PLEKHA7: variants seen among roughly 807,000 people sequenced by gnomAD.
PLEKHA7 encodes the protein pleckstrin homology domain containing A7.
A neutral mutation model predicts 170.0 loss-of-function variants in PLEKHA7; 104 were observed. The ratio of observed to expected loss-of-function variants is 0.61; its 90% CI spans 0.52 to 0.72. The LOEUF (loss-of-function observed/expected upper bound fraction) is 0.72. Ranked by LOEUF, PLEKHA7 falls within the 30% of genes least tolerant of loss-of-function variation. The probability of loss-of-function intolerance (pLI) is 0.00; values close to 1 mark genes in which losing one functional copy is unlikely to be tolerated. For synonymous variants in PLEKHA7, 648 were observed against 660.8 expected (o/e 0.98, Z 0.30); for missense variants, 1,615 against 1,671.7 (o/e 0.97, Z 0.59).
chr11:16,979,654 G>T (rs552906301), intron 3 of PLEKHA7, among the ~76,000 whole-genome samples: 21 of 151,694 alleles, frequency 1.4e-4, no homozygotes, highest in Non-Finnish European at 2.5e-4. Flanking sequence ...GTTTTCAATG[G>T]AGATATACTT....
intron 3 of PLEKHA7, among the ~76,000 whole-genome samples, chr11:16,871,982 T>G (rs1854894210): frequency 6.6e-6 from 1 of 151,688 alleles, no homozygotes. Flanking sequence ...CTTTTTTTTT[T>G]TTTTTTTTTT....
chr11:17,006,669 G>C (rs1355682660), intron 3 of PLEKHA7, among the ~76,000 whole-genome samples: 4 of 151,028 alleles, frequency 2.6e-5, no homozygotes, highest in African/African-American at 9.7e-5. Context: ...TGAATCAATA[G>C]GTTTGACATT....
chr11:16,802,576 C>T (rs116333888), intron 15 of PLEKHA7, among the ~76,000 whole-genome samples: 1,953 of 151,844 alleles, frequency 0.013, 41 homozygotes, highest in African/African-American at 0.045. Flanking sequence ...GAGACGAAGT[C>T]TTCCTCTGTT....
chr11:16,839,204 G>A (rs1299901157), intron 9 of PLEKHA7, among the ~76,000 whole-genome samples: 1 of 151,942 alleles, frequency 6.6e-6, no homozygotes, highest in Non-Finnish European at 1.5e-5. Context: ...CTGATATTGA[G>A]TGATCCTTCA....
intron 10 of PLEKHA7, among the ~76,000 whole-genome samples, chr11:16,824,984 G>C (rs1850526198): frequency 6.6e-6 from 1 of 152,188 alleles, no homozygotes; most frequent in South Asian, 2.1e-4. Flanking sequence ...GAACAAACAG[G>C]ATTGACACCT....
chr11:16,857,294 G>A (rs1353385069), intron 4 of PLEKHA7, among the ~76,000 whole-genome samples: 1 of 152,216 alleles, frequency 6.6e-6, no homozygotes, highest in Non-Finnish European at 1.5e-5. Context: ...GGCCCTGTCG[G>A]ATGCTTGGCA....
intron 3 of PLEKHA7, among the ~76,000 whole-genome samples, chr11:16,922,837 G>C (rs1020347745): frequency 6.6e-6 from 1 of 152,204 alleles, no homozygotes; most frequent in African/African-American, 2.4e-5. Context: ...GTGCAGAGGA[G>C]AGACAGGCTG....
At chr11:16,799,759 A>G (rs963304673) in intron 17 of PLEKHA7, among the ~76,000 whole-genome samples, 1 of 152,190 alleles carries the variant, frequency 6.6e-6, no homozygotes. Context: ...GCCAGTGTGG[A>G]TGAAGAGAAA....
At chr11:17,013,942 C>CT (rs745582239) in intron 3 of PLEKHA7, 47 bp downstream of exon 3, 2 of 1,422,024 alleles carry the variant, frequency 1.4e-6, no homozygotes, top group African/African-American at 2.0e-5. Context: ...GGGGAGGGAC[C>CT]CCCCCCCCGC....
chr11:16,787,794 GGTCA>G (rs1370607779), intron 23 of PLEKHA7: 5 of 152,144 alleles, frequency 3.3e-5, no homozygotes, highest in African/African-American at 7.2e-5. Context: ...AATTATAAAA[GGTCA>G]GTGTTACCCC....
At chr11:16,894,137 G>A (rs750065023) in intron 3 of PLEKHA7, among the ~76,000 whole-genome samples, 2 of 152,178 alleles carry the variant, frequency 1.3e-5, no homozygotes, top group South Asian at 2.1e-4. Context: ...GTGAGACTTC[G>A]TTCCTCCCCT....
At chr11:16,829,297 G>A (rs1452836536) in intron 9 of PLEKHA7, among the ~76,000 whole-genome samples, 3 of 151,954 alleles carry the variant, frequency 2.0e-5, no homozygotes, top group South Asian at 2.1e-4. Context: ...TTACAAGCGT[G>A]AGCCACCCTG....
intron 15 of PLEKHA7, among the ~76,000 whole-genome samples, chr11:16,802,542 A>G (rs1243803711): frequency 6.8e-6 from 1 of 146,708 alleles, no homozygotes; most frequent in African/African-American, 2.5e-5. Context: ...ATTTAAACAC[A>G]AAGGCTTTTT....
intron 19 of PLEKHA7, among the ~76,000 whole-genome samples, chr11:16,792,093 T>G (rs1269110619): frequency 6.6e-6 from 1 of 152,214 alleles, no homozygotes; most frequent in East Asian, 1.9e-4. Flanking sequence ...TTATCAACAA[T>G]CTTCACTGAT....
chr11:16,979,203 T>A (rs1382396802), intron 3 of PLEKHA7, among the ~76,000 whole-genome samples: 2 of 152,220 alleles, frequency 1.3e-5, no homozygotes, highest in African/African-American at 4.8e-5. Flanking sequence ...CTAATTTTTG[T>A]ATTTTTAGTA....
chr11:16,809,368 G>A (rs1342620037), intron 13 of PLEKHA7, among the ~76,000 whole-genome samples: 1 of 152,166 alleles, frequency 6.6e-6, no homozygotes, highest in African/African-American at 2.4e-5. Context: ...GGGACATGGG[G>A]GACACCAAGT....
chr11:16,838,700 T>TTTC (rs1851720388), intron 9 of PLEKHA7, among the ~76,000 whole-genome samples: 1 of 144,890 alleles, frequency 6.9e-6, no homozygotes, highest in African/African-American at 2.5e-5. Context: ...TTTCTTTTTT[T>TTTC]TTTTTTTTTT....
intron 13 of PLEKHA7, among the ~76,000 whole-genome samples, chr11:16,808,921 T>C (rs1219881304): frequency 6.6e-6 from 1 of 152,182 alleles, no homozygotes; most frequent in Non-Finnish European, 1.5e-5. Flanking sequence ...GCTGCGTACA[T>C]GTCCCAGCAG....
chr11:16,801,055 G>C lies in PLEKHA7; in HGVS notation c.2328C>G (p.Asn776Lys). Residue 776 changes from asparagine to lysine, a missense_variant, in exon 17 of 27, where the codon AAC (asparagine) becomes AAG (lysine). Physicochemically the swap from Asn to Lys is moderately conservative, Grantham distance 94 (BLOSUM62 0). Coordinates refer to ENST00000531066, the MANE Select transcript of PLEKHA7 (RefSeq NM_001329630.2). ...RESTEMENAWNEYLKLENDVE... is the reference protein window; with the variant it reads ...RESTEMENAWKEYLKLENDVE... ...CATCATTCTCCAACTTCAGGTATTC[G>C]TTCCAAGCATTTTCCATCTCCTGTT... 1 of 1,614,172 alleles carries C rather than the reference G, an allele frequency of 6.2e-7. No individual in the cohort carries two copies. The highest frequency in any genetic ancestry group is 8.5e-7 in the Non-Finnish European group (1 of 1,180,020).
Sources: gnomAD v4.1 joint callset for allele counts (sites outside exome capture counted in the v4.1 genomes callset) on GRCh38, gnomAD v4.1.1 for gene constraint, MANE v1.5 for transcripts, NCBI Gene and HGNC (gene_info 2026-07-23, HGNC 2026-07-21) for gene names.